Variants in ACTL6A observed in about 807,000 individuals in gnomAD.
ACTL6A encodes the protein actin-like protein 6A.
Under a neutral mutation model 59.2 loss-of-function variants are expected in ACTL6A, and 5 were observed. That is an observed-to-expected ratio of 0.08 (90% CI 0.04 to 0.18). The LOEUF (loss-of-function observed/expected upper bound fraction) is 0.18, where lower values mean the gene tolerates loss of function less well. ACTL6A is among the 10% of genes least tolerant of loss of function. ACTL6A has a pLI of 1.00. For missense variants in ACTL6A, 285 were observed against 526.9 expected (o/e 0.54, Z 4.49); for synonymous variants, 154 against 171.8 (o/e 0.90, Z 0.81).
intron 1 of ACTL6A, among the ~76,000 whole-genome samples, chr3:179,568,865 A>G (rs966523490): frequency 2.0e-5 from 3 of 152,216 alleles, no homozygotes; most frequent in Non-Finnish European, 4.4e-5. Context: ...TCATTAGAGT[A>G]TCCTGTGAGA....
At chr3:179,565,832 A>G in intron 1 of ACTL6A, among the ~76,000 whole-genome samples, 1 of 152,126 alleles carries the variant, frequency 6.6e-6, no homozygotes, top group Non-Finnish European at 1.5e-5. Context: ...TTTTTGAAGG[A>G]TTTATGTACC....
intron 8 of ACTL6A, among the ~76,000 whole-genome samples, chr3:179,578,788 CAG>C (rs1560013052): frequency 1.3e-5 from 2 of 152,168 alleles, no homozygotes; most frequent in Non-Finnish European, 2.9e-5. Flanking sequence ...TTTTTCAAGA[CAG>C]AGTCTTGCTT....
chr3:179,570,315 A>C lies in ACTL6A; in HGVS notation c.277+74A>C, dbSNP rs899430379. 3.0e-6 allele frequency: 4 copies of C among 1,329,746 alleles called. No individual in the cohort carries two copies. The Admixed American group carries it at 7.9e-5, about 26-fold the overall frequency. 82.4% of individuals were successfully genotyped at this position (1,329,746 alleles called of 1,614,324 possible). On this transcript the variant is annotated intron_variant, in intron 3 of 13. Transcript: ENST00000429709. The surrounding 1 kb of genome is among the most constrained non-coding windows in gnomAD (Gnocchi z 4.3). ...TTTAGATACAAAGTAGTAGCTTCCT[A>C]TAAGTTGAACATCAACCATGGTTTT...
At chr3:179,580,808 T>C in intron 9 of ACTL6A, 86 bp from the exon 10 acceptor site, 2 of 1,355,046 alleles carry the variant, frequency 1.5e-6, no homozygotes, top group Non-Finnish European at 1.0e-6. Flanking sequence ...TTTTTTTTTT[T>C]ACAAGTTTAT....
chr3:179,572,442 C>T (rs373574391), intron 3 of ACTL6A, among the ~76,000 whole-genome samples: 156 of 151,868 alleles, frequency 1.0e-3, no homozygotes, highest in African/African-American at 3.5e-3. Context: ...CTTGTGTAGG[C>T]AATACTGTCA....
chr3:179,586,765 G>T, intron 13 of ACTL6A, 133 bp downstream of exon 13: 1 of 723,388 alleles, frequency 1.4e-6, no homozygotes, highest in Non-Finnish European at 2.2e-6. Context: ...AGACCTAATG[G>T]AATAACCAGT....
At chr3:179,571,028 A>C (rs1717988300) in intron 3 of ACTL6A, among the ~76,000 whole-genome samples, 1 of 152,166 alleles carries the variant, frequency 6.6e-6, no homozygotes, top group Non-Finnish European at 1.5e-5. Context: ...GAAGTTGAGA[A>C]AGTTTCCTAG....
In ACTL6A at chr3:179,574,383, C is replaced by T. The variant is rs1410419387; in HGVS notation, c.392C>T (p.Ala131Val). 6.2e-7 allele frequency: 1 copy of T among 1,610,740 alleles called. No individual in the cohort carries two copies. The highest frequency in any genetic ancestry group is 8.5e-7 in the Non-Finnish European group (1 of 1,177,362). ...LMSEAPWNTR[A>V]KREKLTELMF... ...CCTCTTCTCAAGTGGAATACTAGAG[C>T]AAAGAGAGAGAAACTGACAGAGTTA... The change falls in exon 5 of 14, where the codon GCA (alanine) becomes GTA (valine). Residue 131 changes from alanine (A) to valine (V), a missense_variant. By Grantham distance (64) the Ala-to-Val change is moderately conservative. Coordinates refer to ENST00000429709, the MANE Select transcript of ACTL6A (RefSeq NM_004301.5).
At chr3:179,580,234 C>T (rs1308664531) in intron 8 of ACTL6A, among the ~76,000 whole-genome samples, 1 of 152,162 alleles carries the variant, frequency 6.6e-6, no homozygotes, top group Non-Finnish European at 1.5e-5. Context: ...ATACTATGTA[C>T]AGTCATTAAA....
chr3:179,578,350 A>G (rs1172149477), intron 8 of ACTL6A, among the ~76,000 whole-genome samples: 2 of 152,190 alleles, frequency 1.3e-5, no homozygotes, highest in Non-Finnish European at 2.9e-5. Context: ...GCTACTTGGG[A>G]GGCTGAGGCA....
In ACTL6A at chr3:179,563,115, G is replaced by C. The variant is rs751382948; in HGVS notation, c.23G>C (p.Gly8Ala). 3 of 1,612,508 alleles carry C rather than the reference G, an allele frequency of 1.9e-6. No homozygotes were observed. Among genetic ancestry groups the C allele is most frequent in the African/African-American group, 1.3e-5 (1 of 75,026 alleles). MSGGVYG[G>A]DEVGALVFDI... Reference sequence around the variant, plus strand: ...GCCATGAGCGGCGGCGTGTACGGGGGAGGTGAGTGAGTGCGGCCGGACGAG... The same window carrying C: ...GCCATGAGCGGCGGCGTGTACGGGGCAGGTGAGTGAGTGCGGCCGGACGAG... The change falls in exon 1 of 14, where the codon GGA (glycine) becomes GCA (alanine). Residue 8 changes from glycine (G) to alanine (A), a missense_variant and splice_region_variant. By Grantham distance (60) the Gly-to-Ala change is moderately conservative. Coordinates refer to ENST00000429709, the MANE Select transcript of ACTL6A (RefSeq NM_004301.5).
chr3:179,567,271 C>A (rs1007010949), intron 1 of ACTL6A, among the ~76,000 whole-genome samples: 1 of 152,170 alleles, frequency 6.6e-6, no homozygotes, highest in African/African-American at 2.4e-5. Flanking sequence ...GAGGCTGAGG[C>A]AGAAGAATCA....
intron 6 of ACTL6A, 66 bp from the exon 7 acceptor site, chr3:179,576,554 A>G (rs763249770): frequency 1.3e-4 from 167 of 1,238,016 alleles, no homozygotes; most frequent in Non-Finnish European, 1.9e-4. Flanking sequence ...ATACACCCAC[A>G]GAGGAAATTC....
rs1300396499 is a variant in ACTL6A, at chr3:179,588,226, T to C, written c.*216T>C. 3 of 421,236 alleles carry C rather than the reference T, an allele frequency of 7.1e-6. No individual in the cohort carries two copies. The highest frequency in any genetic ancestry group is 1.2e-5 in the Non-Finnish European group (3 of 242,340). 26.1% of individuals were successfully genotyped at this position (421,236 alleles called of 1,614,324 possible). A position where few individuals can be genotyped will look rare whatever the true frequency, so the allele number is the denominator to read the frequency against. On this transcript the variant is annotated 3_prime_UTR_variant, in exon 14 of 14. Transcript: ENST00000429709. ...TCTTATTACAAGCATTTTATAATTT[T>C]GTATAAATGTCTATTTTCTCTAAAT...
chr3:179,567,670 T>C (rs1392745271), intron 1 of ACTL6A, among the ~76,000 whole-genome samples: 1 of 152,188 alleles, frequency 6.6e-6, no homozygotes, highest in Non-Finnish European at 1.5e-5. Context: ...TACCAACTCA[T>C]ATTCATTGCT....
intron 8 of ACTL6A, among the ~76,000 whole-genome samples, chr3:179,577,273 T>G (rs1415887231): frequency 6.6e-6 from 1 of 152,098 alleles, no homozygotes; most frequent in Non-Finnish European, 1.5e-5. Context: ...AGAAAATGGT[T>G]TTAGGTTTTG....
rs574708761 is a variant in ACTL6A, at chr3:179,573,704, T to C, written c.378+235T>C. On this transcript the variant is annotated intron_variant, in intron 4 of 13. Transcript: ENST00000429709. Reference sequence around the variant, plus strand: ...AACAACAAAACACCCTAATGGATTCTTGTGGTTATTTATGTATTTCTAGGG... The same window carrying C: ...AACAACAAAACACCCTAATGGATTCCTGTGGTTATTTATGTATTTCTAGGG... Among the ~76,000 whole-genome samples the C allele has an allele frequency of 3.9e-5, 6 of 152,310 alleles. No homozygotes were observed. The South Asian group carries it at 8.3e-4, about 21-fold the overall frequency.
chr3:179,563,046 C>A lies in ACTL6A; in HGVS notation c.-47C>A. The A allele has an allele frequency of 1.2e-6, 2 of 1,605,966 alleles. No individual in the cohort carries two copies. Among genetic ancestry groups the A allele is most frequent in the South Asian group, 2.2e-5 (2 of 90,392 alleles). On this transcript the variant is annotated 5_prime_UTR_variant, in exon 1 of 14. Coordinates refer to ENST00000429709, the MANE Select transcript of ACTL6A (RefSeq NM_004301.5). ...GACTCGCAGTCGCGGCCACTGCAGT[C>A]ACTTCGCCAGTTAGCCCTTAGGGTA...
At chr3:179,578,192 C>T (rs892322044) in intron 8 of ACTL6A, among the ~76,000 whole-genome samples, 2 of 152,130 alleles carry the variant, frequency 1.3e-5, no homozygotes, top group Non-Finnish European at 2.9e-5. Context: ...CAGTGGCTCA[C>T]GCCTGTAATC....
Sources: allele counts gnomAD v4.1 joint callset (sites outside exome capture counted in the v4.1 genomes callset), GRCh38; gene constraint gnomAD v4.1.1; non-coding constraint Gnocchi (gnomAD v3.1); transcripts MANE v1.5; gene names NCBI Gene and HGNC (gene_info 2026-07-23, HGNC 2026-07-21).